TMEM132C: variants seen among roughly 807,000 people sequenced by gnomAD.
TMEM132C encodes protein phosphatase 1, regulatory subunit 152.
In TMEM132C, 29 loss-of-function variants were observed where a neutral mutation model predicts 61.4. That is an observed-to-expected ratio of 0.47 (90% CI 0.35 to 0.64). The LOEUF is 0.64. TMEM132C is among the 30% of genes least tolerant of loss of function. The probability of loss-of-function intolerance (pLI) is 0.00; values close to 1 mark genes in which losing one functional copy is unlikely to be tolerated. For synonymous variants in TMEM132C, 656 were observed against 633.1 expected (o/e 1.04, Z -0.54); for missense variants, 1,408 against 1,476.9 (o/e 0.95, Z 0.76).
At chr12:128,375,050 G>T (rs1300615162) in intron 1 of TMEM132C, among the ~76,000 whole-genome samples, 1 of 151,720 alleles carries the variant, frequency 6.6e-6, no homozygotes, top group Non-Finnish European at 1.5e-5. Context: ...TGGGGTGGGG[G>T]GTATCCTGTG....
intron 3 of TMEM132C, among the ~76,000 whole-genome samples, chr12:128,594,433 C>T (rs1344809286): frequency 4.0e-5 from 6 of 151,422 alleles, no homozygotes; most frequent in African/African-American, 2.4e-5. Flanking sequence ...GCTGCTGTGC[C>T]CCCCATTTTT....
chr12:128,364,224 G>A (rs60634254), intron 1 of TMEM132C, among the ~76,000 whole-genome samples: 4 of 149,908 alleles, frequency 2.7e-5, no homozygotes, highest in African/African-American at 1.0e-4. Flanking sequence ...CTCTCTCTCT[G>A]TTTTCTTCCT....
intron 1 of TMEM132C, among the ~76,000 whole-genome samples, chr12:128,292,538 A>G (rs1226418907): frequency 6.6e-6 from 1 of 152,098 alleles, no homozygotes; most frequent in African/African-American, 2.4e-5. Flanking sequence ...GGCACACAGC[A>G]GGTACTTTGT....
chr12:128,664,755 C>T (rs928795980), intron 4 of TMEM132C, among the ~76,000 whole-genome samples: 2 of 152,244 alleles, frequency 1.3e-5, no homozygotes, highest in Admixed American at 6.5e-5. Flanking sequence ...AGGGAAGCGG[C>T]ATCCACCGCC....
At chr12:128,631,479 T>C (rs1030751182) in intron 4 of TMEM132C, among the ~76,000 whole-genome samples, 1 of 152,220 alleles carries the variant, frequency 6.6e-6, no homozygotes, top group Non-Finnish European at 1.5e-5. Context: ...TCTTCTGAGA[T>C]CCTCCAGTGA....
At chr12:128,627,303 T>C (rs1300379149) in intron 4 of TMEM132C, among the ~76,000 whole-genome samples, 1 of 152,228 alleles carries the variant, frequency 6.6e-6, no homozygotes, top group Non-Finnish European at 1.5e-5. Flanking sequence ...CGCTGAAATC[T>C]GGAATGTTGG....
intron 4 of TMEM132C, among the ~76,000 whole-genome samples, chr12:128,620,313 G>A (rs2054928): frequency 0.15 from 22,391 of 150,934 alleles, 2,290 homozygotes; most frequent in African/African-American, 0.3. Flanking sequence ...GGTATTCATT[G>A]CTGCATATCC....
intron 3 of TMEM132C, among the ~76,000 whole-genome samples, chr12:128,592,945 C>T (rs1467710680): frequency 6.6e-6 from 1 of 152,226 alleles, no homozygotes; most frequent in African/African-American, 2.4e-5. Flanking sequence ...AAGCCACAGC[C>T]ACAGTCATCC....
At chr12:128,359,097 C>T (rs1873611763) in intron 1 of TMEM132C, among the ~76,000 whole-genome samples, 1 of 152,158 alleles carries the variant, frequency 6.6e-6, no homozygotes, top group Admixed American at 6.6e-5. Context: ...AGCTCAAGGT[C>T]ACAAAAGCTC....
chr12:128,668,157 A>C (rs186197599), intron 4 of TMEM132C, among the ~76,000 whole-genome samples: 132 of 152,182 alleles, frequency 8.7e-4, no homozygotes, highest in African/African-American at 3.0e-3. Flanking sequence ...ACACTTGCCT[A>C]TGTTCCCAGC....
At chr12:128,531,533 ACATACACACATG>A (rs1158776804) in intron 2 of TMEM132C, among the ~76,000 whole-genome samples, 6 of 152,250 alleles carry the variant, frequency 3.9e-5, no homozygotes, top group Non-Finnish European at 7.3e-5. Flanking sequence ...GTGGCTTCAC[ACATACACACATG>A]CATACACACA....
At chr12:128,306,656 T>A (rs1871795096) in intron 1 of TMEM132C, among the ~76,000 whole-genome samples, 1 of 152,186 alleles carries the variant, frequency 6.6e-6, no homozygotes, top group Admixed American at 6.5e-5. Flanking sequence ...TTATTTTTAG[T>A]GTCCTGTTTT....
At chr12:128,521,507 G>A (rs927879203) in intron 2 of TMEM132C, among the ~76,000 whole-genome samples, 1 of 128,670 alleles carries the variant, frequency 7.8e-6, no homozygotes, top group African/African-American at 2.9e-5. Flanking sequence ...ATTAAAGCAA[G>A]TGTTTTTGAA....
At chr12:128,578,990 T>C (rs1565979971) in intron 3 of TMEM132C, among the ~76,000 whole-genome samples, 1 of 152,182 alleles carries the variant, frequency 6.6e-6, no homozygotes, top group Non-Finnish European at 1.5e-5. Flanking sequence ...GGGAGTTTTA[T>C]TTTTAGGGGA....
intron 1 of TMEM132C, among the ~76,000 whole-genome samples, chr12:128,392,504 C>T (rs1447311485): frequency 6.6e-6 from 1 of 151,776 alleles, no homozygotes; most frequent in Non-Finnish European, 1.5e-5. Context: ...AGAGCCTGAC[C>T]CCAGAACGTC....
chr12:128,697,174 A>G (rs7954114), intron 7 of TMEM132C, 50 bp from the exon 8 acceptor site: 133,646 of 1,445,000 alleles, frequency 0.092, 6,653 homozygotes, highest in Admixed American at 0.18. Flanking sequence ...AGGGGATAAC[A>G]TCTGGAAACA....
At chr12:128,579,916 G>T (rs1875264914) in intron 3 of TMEM132C, among the ~76,000 whole-genome samples, 1 of 151,782 alleles carries the variant, frequency 6.6e-6, no homozygotes, top group Admixed American at 6.6e-5. Context: ...AGTTTGAACT[G>T]CTCTGGACCT....
intron 2 of TMEM132C, among the ~76,000 whole-genome samples, chr12:128,420,607 G>A (rs1373564327): frequency 1.3e-5 from 2 of 152,202 alleles, no homozygotes; most frequent in East Asian, 1.9e-4. Context: ...TTATTTTTAT[G>A]TATTGCAGTA....
intron 1 of TMEM132C, among the ~76,000 whole-genome samples, chr12:128,378,940 T>C (rs1874312895): frequency 6.6e-6 from 1 of 152,214 alleles, no homozygotes; most frequent in African/African-American, 2.4e-5. Context: ...TTCCCCCTTT[T>C]GCTTGCATTT....
Sources: gnomAD v4.1 joint callset for allele counts (sites outside exome capture counted in the v4.1 genomes callset) on GRCh38, gnomAD v4.1.1 for gene constraint, MANE v1.5 for transcripts, NCBI Gene and HGNC (gene_info 2026-07-23, HGNC 2026-07-21) for gene names.